Variants in MFSD1 observed in about 807,000 individuals in gnomAD.
MFSD1 encodes major facilitator superfamily domain containing 1.
Under a neutral mutation model 67.1 loss-of-function variants are expected in MFSD1, and 59 were observed. The observed-to-expected ratio is 0.88, with a 90% CI of 0.71 to 1.09. The LOEUF (loss-of-function observed/expected upper bound fraction) is 1.09, where lower values mean the gene tolerates loss of function less well. MFSD1 is among the 50% of genes least tolerant of loss of function. The probability of loss-of-function intolerance (pLI) is 0.00; values close to 1 mark genes in which losing one functional copy is unlikely to be tolerated. For synonymous variants in MFSD1, 213 were observed against 200.3 expected (o/e 1.06, Z -0.54); for missense variants, 552 against 566.1 (o/e 0.97, Z 0.25).
intron 13 of MFSD1, among the ~76,000 whole-genome samples, chr3:158,824,890 T>C (rs1730882524): frequency 6.6e-6 from 1 of 152,230 alleles, no homozygotes; most frequent in Non-Finnish European, 1.5e-5. Context: ...GTGTGGTATT[T>C]GCAGATAATT....
At chr3:158,813,323 T>G (rs1293690462) in intron 6 of MFSD1, among the ~76,000 whole-genome samples, 4 of 152,012 alleles carry the variant, frequency 2.6e-5, no homozygotes, top group Non-Finnish European at 4.4e-5. Context: ...AATTTTTGTA[T>G]TTTTAGTAGA....
chr3:158,815,768 G>C (rs1187683048), intron 7 of MFSD1, among the ~76,000 whole-genome samples: 4 of 151,130 alleles, frequency 2.6e-5, no homozygotes, highest in African/African-American at 9.7e-5. Flanking sequence ...TCGTCATTTA[G>C]CATTAGGTAT....
In MFSD1 at chr3:158,829,525, A is replaced by G. The variant is rs1286166865; in HGVS notation, c.*543A>G. On this transcript the variant is annotated 3_prime_UTR_variant, in exon 16 of 16. Transcript: ENST00000415822. ...ATAGCTTGCGCTCTACTCTGTAGTT[A>G]TGTGGATTGCCGAGCAATGACCCTT... 6.6e-6 allele frequency: 1 copy of G among 152,236 alleles called. No individual in the cohort carries two copies. The highest frequency in any genetic ancestry group is 1.5e-5 in the Non-Finnish European group (1 of 68,048). The allele number at this position is 152,236 out of a possible 1,614,324, so 9.4% of individuals were successfully genotyped here. A position where few individuals can be genotyped will look rare whatever the true frequency, so the allele number is the denominator to read the frequency against.
intron 6 of MFSD1, 85 bp downstream of exon 6, chr3:158,809,372 G>GT: frequency 1.2e-6 from 1 of 845,138 alleles, no homozygotes. Flanking sequence ...AGGATGAAAT[G>GT]TATTTGTGTA....
chr3:158,821,173 C>T (rs1282290982), intron 9 of MFSD1, among the ~76,000 whole-genome samples: 3 of 152,122 alleles, frequency 2.0e-5, no homozygotes, highest in South Asian at 2.1e-4. Context: ...GCTTAAGCAG[C>T]GCAATGTAAG....
rs755960998 is a variant in MFSD1 at position 158,822,026 on chromosome 3, G to A, written c.963G>A (p.Gly321=). 3 of 1,613,876 alleles carry A rather than the reference G, an allele frequency of 1.9e-6. No homozygotes were observed. The highest frequency in any genetic ancestry group is 2.5e-6 in the Non-Finnish European group (3 of 1,179,840). ...CAGCTCCCATGTCCCCGGTGTTTGGGCTCCTGGTGGATAAAACAGGGAAGA... is the reference window on the plus strand; with the variant it reads ...CAGCTCCCATGTCCCCGGTGTTTGGACTCCTGGTGGATAAAACAGGGAAGA... ...VISAPMSPVF[G]LLVDKTGKNI... is the part of the protein sequence containing the mutation. Residue 321 remains glycine, a synonymous_variant, in exon 11 of 16, where the codon GGG becomes GGA. Transcript: ENST00000415822.
chr3:158,816,381 G>C (rs1246110439), intron 7 of MFSD1, among the ~76,000 whole-genome samples: 28 of 152,026 alleles, frequency 1.8e-4, no homozygotes, highest in Non-Finnish European at 4.0e-4. Flanking sequence ...TTGTGGTTTT[G>C]ATTTGCATTT....
At position 158,805,483 on chromosome 3, in the gene MFSD1, G is replaced by C. The variant is rs1401542800; in HGVS notation, c.329+9G>C. Reference sequence around the variant, plus strand: ...CGAGTATTTGGAATACGGTAAGCTTGAAAAGAAACTATGGGTAAATCTTAC... The same window carrying C: ...CGAGTATTTGGAATACGGTAAGCTTCAAAAGAAACTATGGGTAAATCTTAC... On this transcript the variant is annotated intron_variant, in intron 3 of 15. Coordinates refer to ENST00000415822, the MANE Select transcript of MFSD1 (RefSeq NM_022736.4). The C allele has an allele frequency of 3.2e-6, 5 of 1,571,602 alleles. No individual in the cohort carries two copies. In the African/African-American group the frequency reaches 4.1e-5, roughly 13 times the overall value.
Position 158,823,515 on chromosome 3 carries a change from G to T in MFSD1, c.1165G>T (p.Ala389Ser). ...FVVPEHQLGT[A>S]YGFMQSIQNL... Reference sequence around the variant, plus strand: ...AGTTCCTGAACATCAGCTGGGAACTGCATATGGCTTGTAAGTATTTACGCT... The same window carrying T: ...AGTTCCTGAACATCAGCTGGGAACTTCATATGGCTTGTAAGTATTTACGCT... The change falls in exon 12 of 16, where the codon GCA (alanine) becomes TCA (serine). Residue 389 changes from alanine to serine, a missense_variant. By Grantham distance (99) the Ala-to-Ser change is moderately conservative. Transcript: ENST00000415822. The T allele has an allele frequency of 6.2e-7, 1 of 1,607,652 alleles. No individual in the cohort carries two copies. Among genetic ancestry groups the T allele is most frequent in the Non-Finnish European group, 8.5e-7 (1 of 1,174,086 alleles).
intron 6 of MFSD1, among the ~76,000 whole-genome samples, chr3:158,812,696 T>TA (rs779966121): frequency 6.6e-6 from 1 of 152,194 alleles, no homozygotes; most frequent in Non-Finnish European, 1.5e-5. Context: ...AGTCTGCCAG[T>TA]ATGAGTCTGT....
intron 7 of MFSD1, among the ~76,000 whole-genome samples, chr3:158,817,340 C>T (rs1322006992): frequency 6.6e-6 from 1 of 152,068 alleles, no homozygotes; most frequent in South Asian, 2.1e-4. Flanking sequence ...GATTGTATAT[C>T]TAGAAAACCC....
At chr3:158,812,434 G>A (rs572385053) in intron 6 of MFSD1, among the ~76,000 whole-genome samples, 5 of 152,218 alleles carry the variant, frequency 3.3e-5, no homozygotes, top group Admixed American at 1.3e-4. Flanking sequence ...CTGCGATCTG[G>A]CTCATTTCAC....
At chr3:158,815,182 G>A (rs945945792) in intron 7 of MFSD1, among the ~76,000 whole-genome samples, 14 of 152,130 alleles carry the variant, frequency 9.2e-5, no homozygotes, top group Admixed American at 6.5e-4. Flanking sequence ...GACTTTTTCC[G>A]TCAGTGTGCC....
rs139170699 is a variant in MFSD1, at chr3:158,824,154, C to T, written c.1206C>T (p.Ala402=). The T allele has an allele frequency of 9.9e-6, 16 of 1,611,824 alleles. No individual in the cohort carries two copies. In the African/African-American group the frequency reaches 1.7e-4, roughly 18 times the overall value. ...AGTCCATTCAGAATCTTGGGTTGGC[C>T]ATCATTTCCATCATTGCTGGTATGA... The part of the protein sequence containing the change: ...FMQSIQNLGL[A]IISIIAGMIL... The change falls in exon 13 of 16, where the codon GCC becomes GCT. Residue 402 remains alanine, a synonymous_variant. Coordinates refer to ENST00000415822, the MANE Select transcript of MFSD1 (RefSeq NM_022736.4).
chr3:158,821,786 C>A, intron 10 of MFSD1, 133 bp downstream of exon 10: 1 of 955,964 alleles, frequency 1.0e-6, no homozygotes, highest in African/African-American at 1.6e-5. Flanking sequence ...TACATTGGGA[C>A]TTGAATCCTG....
chr3:158,807,008 T>C (rs773318068), intron 3 of MFSD1, 32 bp from the exon 4 acceptor site: 5 of 1,577,436 alleles, frequency 3.2e-6, no homozygotes, highest in Admixed American at 1.8e-5. Flanking sequence ...TCTTTTTCTT[T>C]TTCTCATTCT....
chr3:158,804,310 C>A lies in MFSD1; in HGVS notation c.164-9C>A. On this transcript the variant is annotated splice_polypyrimidine_tract_variant and intron_variant, in intron 1 of 15. Coordinates refer to ENST00000415822, the MANE Select transcript of MFSD1 (RefSeq NM_022736.4). ...TATTATTACTTATAAAGTATTTGCT[C>A]TTTTCTAGGCAGCTATTTTTGCTAT... The A allele has an allele frequency of 6.2e-7, 1 of 1,602,638 alleles. No individual in the cohort carries two copies. Among genetic ancestry groups the A allele is most frequent in the South Asian group, 1.1e-5 (1 of 89,674 alleles).
At chr3:158,816,751 C>G (rs1730371959) in intron 7 of MFSD1, among the ~76,000 whole-genome samples, 1 of 151,162 alleles carries the variant, frequency 6.6e-6, no homozygotes, top group Non-Finnish European at 1.5e-5. Flanking sequence ...ATGGTAATGC[C>G]TAGGTTTTCT....
At chr3:158,813,830 G>A (rs944270245) in intron 6 of MFSD1, 135 bp from the exon 7 acceptor site, 1 of 279,480 alleles carries the variant, frequency 3.6e-6, no homozygotes, top group Non-Finnish European at 6.3e-6. Flanking sequence ...ATTTTTTCTT[G>A]TAGTGTCTTT....
Sources: gnomAD v4.1 joint callset for allele counts (sites outside exome capture counted in the v4.1 genomes callset) on GRCh38, gnomAD v4.1.1 for gene constraint, MANE v1.5 for transcripts, NCBI Gene and HGNC (gene_info 2026-07-23, HGNC 2026-07-21) for gene names.